ACKR3: variants seen among roughly 807,000 people sequenced by gnomAD.
ACKR3 encodes the protein C-X-C chemokine receptor type 7.
In ACKR3, 6 loss-of-function variants were observed where a neutral mutation model predicts 22.4. The ratio of observed to expected loss-of-function variants is 0.27; its 90% CI spans 0.15 to 0.53. The LOEUF is 0.53. ACKR3 is among the 20% of genes least tolerant of loss of function. The pLI, the probability that ACKR3 is intolerant of heterozygous loss-of-function variation, is 0.96. For missense variants in ACKR3, 396 were observed against 475.2 expected, an observed-to-expected ratio of 0.83 and a Z score of 1.55; for synonymous variants, 209 against 205.2, an observed-to-expected ratio of 1.02 and a Z score of -0.16.
chr2:236,557,045 G>A, the ACKR3 span, among the ~76,000 whole-genome samples: 2 of 152,158 alleles, frequency 1.3e-5, no homozygotes, highest in East Asian at 3.8e-4. Context: ...ACAATAAGAC[G>A]CTAATAAAGT....
chr2:236,556,246 T>A, the ACKR3 span, among the ~76,000 whole-genome samples: 1 of 152,198 alleles, frequency 6.6e-6, no homozygotes, highest in African/African-American at 2.4e-5. Flanking sequence ...AGAGGGTGCT[T>A]GTGTGCAGCC....
At chr2:236,568,198 C>T (rs1014772042), upstream of ACKR3, among the ~76,000 whole-genome samples, 1 of 152,204 alleles carries the variant, frequency 6.6e-6, no homozygotes, top group Non-Finnish European at 1.5e-5. Flanking sequence ...GTGTTTCCAC[C>T]GGGCGCGCAG....
chr2:236,556,227 T>C, the ACKR3 span, among the ~76,000 whole-genome samples: 1 of 152,210 alleles, frequency 6.6e-6, no homozygotes, highest in African/African-American at 2.4e-5. Flanking sequence ...AGTTGGAGCT[T>C]GAGCAAGAAG....
Position 236,581,552 on chromosome 2 carries a change from T to G in ACKR3, c.1087T>G (p.Ter363GlyextTer14). ...CTCTGCCTTGGAGCAGAGCACCAAA[T>G]GATCTGCCCTGGAGAGGCTCTGGGA... ...EYSALEQSTK[*>G] Residue 363 changes from the stop codon to glycine, a stop_lost, in exon 2 of 2, where the codon TGA becomes GGA. Coordinates refer to ENST00000272928, the MANE Select transcript of ACKR3 (RefSeq NM_020311.3). This position sits in a 1 kb window ranked among gnomAD's most constrained non-coding sequence, Gnocchi z 4.4. The G allele has an allele frequency of 3.7e-6, 6 of 1,612,964 alleles. No individual in the cohort carries two copies. The highest frequency in any genetic ancestry group is 4.2e-6 in the Non-Finnish European group (5 of 1,179,184).
chr2:236,571,268 G>A (rs1454973979), intron 1 of ACKR3, among the ~76,000 whole-genome samples: 1 of 152,084 alleles, frequency 6.6e-6, no homozygotes, highest in Non-Finnish European at 1.5e-5. Flanking sequence ...TTTTTCCCCA[G>A]TCTCTGCCAT....
the ACKR3 span, among the ~76,000 whole-genome samples, chr2:236,543,474 G>A: frequency 6.6e-6 from 1 of 152,176 alleles, no homozygotes; most frequent in Non-Finnish European, 1.5e-5. Context: ...TACCCACACT[G>A]AGAGTATAGA....
chr2:236,543,269 G>C, the ACKR3 span, among the ~76,000 whole-genome samples: 1 of 152,130 alleles, frequency 6.6e-6, no homozygotes, highest in East Asian at 1.9e-4. Context: ...TCAGTGGCAG[G>C]CACCCATCTG....
intron 1 of ACKR3, among the ~76,000 whole-genome samples, chr2:236,573,161 A>AACACACAG (rs1018473441): frequency 6.6e-6 from 1 of 152,050 alleles, no homozygotes; most frequent in East Asian, 1.9e-4. Context: ...ATTGGTTAAA[A>AACACACAG]ACACACAGAC....
the ACKR3 span, among the ~76,000 whole-genome samples, chr2:236,545,267 G>A: frequency 2.6e-5 from 4 of 152,200 alleles, no homozygotes; most frequent in African/African-American, 4.8e-5. The surrounding 1 kb of genome is among the most constrained non-coding windows in gnomAD (Gnocchi z 5.3). Flanking sequence ...GCCCAAGGGA[G>A]TTTGAGAGTT....
At chr2:236,551,419 C>T in the ACKR3 span, among the ~76,000 whole-genome samples, 2 of 152,204 alleles carry the variant, frequency 1.3e-5, no homozygotes, top group African/African-American at 4.8e-5. Context: ...AGGAGGGACT[C>T]AGACAGCATT....
At chr2:236,565,124 A>G (rs777075204), upstream of ACKR3, among the ~76,000 whole-genome samples, 12 of 152,102 alleles carry the variant, frequency 7.9e-5, no homozygotes, top group Non-Finnish European at 1.8e-4. Flanking sequence ...GACAGAGGAG[A>G]GAAGCGGAAG....
At chr2:236,564,768 G>A (rs10171133), upstream of ACKR3, among the ~76,000 whole-genome samples, 8,670 of 152,126 alleles carry the variant, frequency 0.057, 743 homozygotes, top group African/African-American at 0.19. Context: ...TGTGGTACTA[G>A]GTAAAAGCAT....
At chr2:236,552,519 A>G in the ACKR3 span, among the ~76,000 whole-genome samples, 1 of 152,190 alleles carries the variant, frequency 6.6e-6, no homozygotes, top group Non-Finnish European at 1.5e-5. Flanking sequence ...CTATCGTGGC[A>G]GTGATTCAAA....
At chr2:236,573,177 GAC>G (rs1691343532) in intron 1 of ACKR3, among the ~76,000 whole-genome samples, 1 of 150,664 alleles carries the variant, frequency 6.6e-6, no homozygotes, top group African/African-American at 2.5e-5. Flanking sequence ...CAGACACACA[GAC>G]ACACACACAT....
upstream of ACKR3, among the ~76,000 whole-genome samples, chr2:236,564,915 T>C (rs949330595): frequency 6.6e-6 from 1 of 152,292 alleles, no homozygotes; most frequent in Middle Eastern, 3.4e-3. Context: ...GCCACCTTTA[T>C]GGCTGCTGTG....
the ACKR3 span, among the ~76,000 whole-genome samples, chr2:236,551,848 A>C: frequency 6.6e-6 from 1 of 151,970 alleles, no homozygotes; most frequent in Non-Finnish European, 1.5e-5. Flanking sequence ...CCCTTACAAA[A>C]GGCTAGGAGG....
chr2:236,559,390 C>T, the ACKR3 span, among the ~76,000 whole-genome samples: 8 of 152,268 alleles, frequency 5.3e-5, no homozygotes, highest in South Asian at 2.1e-4. Context: ...ATTGTAGAGA[C>T]GTTGAAAATA....
At chr2:236,570,780 T>C (rs1040850433) in intron 1 of ACKR3, among the ~76,000 whole-genome samples, 2 of 152,222 alleles carry the variant, frequency 1.3e-5, no homozygotes, top group African/African-American at 4.8e-5. Context: ...TAGCCAAGAC[T>C]TGTAACTTCC....
the ACKR3 span, among the ~76,000 whole-genome samples, chr2:236,550,911 C>G: frequency 1.3e-5 from 2 of 152,232 alleles, no homozygotes; most frequent in African/African-American, 4.8e-5. This position sits in a 1 kb window ranked among gnomAD's most constrained non-coding sequence, Gnocchi z 4.6. Context: ...AAGAATGACT[C>G]TTACCTTTCT....
Sources: allele counts gnomAD v4.1 joint callset (sites outside exome capture counted in the v4.1 genomes callset), GRCh38; gene constraint gnomAD v4.1.1; non-coding constraint Gnocchi (gnomAD v3.1); transcripts MANE v1.5; gene names NCBI Gene and HGNC (gene_info 2026-07-23, HGNC 2026-07-21).